The following TAF11 variants were observed in gnomAD, a reference collection of about 807,000 sequenced individuals.
TAF11 encodes transcription initiation factor TFIID subunit 11.
A neutral mutation model predicts 23.0 loss-of-function variants in TAF11; 10 were observed. The observed-to-expected ratio is 0.43, with a 90% CI of 0.27 to 0.74. The LOEUF (loss-of-function observed/expected upper bound fraction) is 0.74, where lower values mean the gene tolerates loss of function less well. Ranked by LOEUF, TAF11 falls within the 30% of genes least tolerant of loss-of-function variation. The probability of loss-of-function intolerance (pLI) is 0.19; values close to 1 mark genes in which losing one functional copy is unlikely to be tolerated. For missense variants in TAF11, 196 were observed against 261.7 expected, an observed-to-expected ratio of 0.75 and a Z score of 1.73; for synonymous variants, 85 against 95.8, an observed-to-expected ratio of 0.89 and a Z score of 0.66.
At chr6:34,884,950 A>G (rs1260316256) in intron 1 of TAF11, among the ~76,000 whole-genome samples, 4 of 152,118 alleles carry the variant, frequency 2.6e-5, no homozygotes, top group African/African-American at 9.7e-5. Context: ...ATTAGTGCCT[A>G]TAGCCTTTCA....
intron 4 of TAF11, chr6:34,879,175 A>G (rs1766371850): frequency 6.1e-6 from 1 of 163,636 alleles, no homozygotes; most frequent in Admixed American, 6.5e-5. Context: ...AAGGCACTCC[A>G]GCCTGGGTGA....
chr6:34,879,148 G>A (rs941285052), intron 4 of TAF11: 1 of 155,466 alleles, frequency 6.4e-6, no homozygotes, highest in African/African-American at 2.4e-5. Flanking sequence ...GTTACAGTGA[G>A]CTGTGATCGC....
intron 4 of TAF11, 128 bp downstream of exon 4, chr6:34,879,839 C>T (rs1766387183): frequency 1.6e-5 from 23 of 1,455,610 alleles, no homozygotes; most frequent in Non-Finnish European, 2.0e-5. Flanking sequence ...TAAAGGGCTC[C>T]CCACTTGGTC....
rs751332765 is a variant in TAF11, at chr6:34,880,416, C to T, written c.321-40G>A. Reference sequence around the variant, plus strand: ...AGGTAACTAAGTTAACTTATAAGAACGAATACTCAAGATATTATGAAGTCA... The same window carrying T: ...AGGTAACTAAGTTAACTTATAAGAATGAATACTCAAGATATTATGAAGTCA... On this transcript the variant is annotated intron_variant, in intron 2 of 4. Coordinates refer to ENST00000361288, the MANE Select transcript of TAF11 (RefSeq NM_005643.4). The surrounding 1 kb of genome is among the most constrained non-coding windows in gnomAD (Gnocchi z 4.8). 4.4e-6 allele frequency: 7 copies of T among 1,574,190 alleles called. No homozygotes were observed. In the East Asian group the frequency reaches 9.0e-5, roughly 20 times the overall value.
chr6:34,882,205 G>C (rs1445675291), intron 2 of TAF11, among the ~76,000 whole-genome samples: 3 of 151,210 alleles, frequency 2.0e-5, no homozygotes, highest in African/African-American at 7.3e-5. Flanking sequence ...AGGCATGGTG[G>C]CAGGAGCCTG....
rs537229891 is a variant in TAF11 at position 34,884,407 on chromosome 6, ATG to A, written c.172-1329_172-1328del. On this transcript the variant is annotated intron_variant, in intron 1 of 4. Coordinates refer to ENST00000361288, the MANE Select transcript of TAF11 (RefSeq NM_005643.4). ...TAGAGGGGAACACACACTGGGGTAT[ATG>A]GAAGGGTGAAGGGTATATGGAAGGA... Among the ~76,000 whole-genome samples, 447 of 152,260 alleles carry A rather than the reference ATG, an allele frequency of 2.9e-3. 1 individual carries two copies. The highest frequency in any genetic ancestry group is 9.7e-3 in the African/African-American group (405 of 41,552).
At chr6:34,887,743 A>G (rs751757598) in intron 1 of TAF11, 44 bp downstream of exon 1, 6 of 1,611,370 alleles carry the variant, frequency 3.7e-6, no homozygotes, top group South Asian at 3.3e-5. Context: ...CAGTAACACA[A>G]TCTCTGGGTA....
intron 1 of TAF11, among the ~76,000 whole-genome samples, chr6:34,883,748 C>T (rs1399390237): frequency 2.0e-5 from 3 of 152,004 alleles, no homozygotes; most frequent in Non-Finnish European, 2.9e-5. Flanking sequence ...CTGTTCAAAC[C>T]CCACTTAAAA....
chr6:34,883,547 A>G (rs974335795), intron 1 of TAF11, among the ~76,000 whole-genome samples: 2 of 152,144 alleles, frequency 1.3e-5, no homozygotes, highest in African/African-American at 4.8e-5. Flanking sequence ...TGTTTATTTC[A>G]ATTTGGGACT....
chr6:34,882,890 A>G lies in TAF11; in HGVS notation c.320+42T>C, dbSNP rs754021076. 1.5e-5 allele frequency: 24 copies of G among 1,561,602 alleles called. 1 individual carries two copies. In the South Asian group the frequency reaches 3.0e-4, roughly 19 times the overall value. On this transcript the variant is annotated intron_variant, in intron 2 of 4. Transcript: ENST00000361288. ...AAAATTTATTAAATTTGTGTGGTCA[A>G]GTGAGAGCCTCGAAATGGGGAATGA...
chr6:34,881,516 A>G (rs1204371843), intron 2 of TAF11, among the ~76,000 whole-genome samples: 3 of 152,204 alleles, frequency 2.0e-5, no homozygotes, highest in East Asian at 1.9e-4. Flanking sequence ...TAAGAAAACT[A>G]TGACCTAGAT....
chr6:34,884,963 T>A (rs1298920713), intron 1 of TAF11, among the ~76,000 whole-genome samples: 2 of 150,600 alleles, frequency 1.3e-5, no homozygotes, highest in African/African-American at 5.0e-5. Flanking sequence ...GCCTTTCATA[T>A]TTTGTAATGT....
chr6:34,887,916 C>T lies in TAF11; in HGVS notation c.42G>A (p.Glu14=). The part of the protein sequence containing the change: ...AHESPSDKGG[E]TGESDETAAV... ...CGGCCGTCTCATCCGACTCCCCTGT[C>T]TCTCCACCTTTGTCGGAGGGCGACT... Residue 14 remains glutamate (E), a synonymous_variant, in exon 1 of 5, where the codon GAG becomes GAA. Transcript: ENST00000361288. 1 of 1,614,208 alleles carries T rather than the reference C, an allele frequency of 6.2e-7. No individual in the cohort carries two copies. Among genetic ancestry groups the T allele is most frequent in the Non-Finnish European group, 8.5e-7 (1 of 1,180,036 alleles).
At chr6:34,882,311 C>A (rs1430844387) in intron 2 of TAF11, among the ~76,000 whole-genome samples, 2 of 147,904 alleles carry the variant, frequency 1.4e-5, no homozygotes, top group East Asian at 4.0e-4. Context: ...GCACTCCAGC[C>A]TGAGCAACGA....
chr6:34,882,217 A>G (rs185869596), intron 2 of TAF11, among the ~76,000 whole-genome samples: 98 of 151,684 alleles, frequency 6.5e-4, no homozygotes, highest in African/African-American at 2.3e-3. Context: ...AGGAGCCTGT[A>G]GTCCCAGCTA....
Position 34,880,334 on chromosome 6 carries a change from A to C in TAF11, c.363T>G (p.Tyr121Ter), listed in dbSNP as rs925322590. The C allele has an allele frequency of 3.1e-6, 5 of 1,614,054 alleles. No individual in the cohort carries two copies. In the African/African-American group the frequency reaches 6.7e-5, roughly 22 times the overall value. The change falls in exon 3 of 5, where the codon TAT becomes TAG. Residue 121 changes from tyrosine to a stop codon, truncating the protein, a stop_gained. Coordinates refer to ENST00000361288, the MANE Select transcript of TAF11 (RefSeq NM_005643.4). LOFTEE classifies it high-confidence loss of function. The surrounding 1 kb of genome is among the most constrained non-coding windows in gnomAD (Gnocchi z 4.8). ...SSFSEEQLNR[Y>*]EMYRRSAFPK... ...GGAAAGCTGAGCGGCGATACATTTC[A>C]TAACGGTTCAGCTGCTCCTCAGAAA... is the stretch of plus-strand genomic sequence containing the variant.
chr6:34,883,002 GT>G lies in TAF11; in HGVS notation c.249del (p.Lys83AsnfsTer2). Reference protein sequence around the residue: ...DSSLLNPAAKKLKIDTKEKKE... With the variant: ...DSSLLNPAAKXLKIDTKEKKE... The stretch of plus-strand genomic sequence containing the variant: ...TTCTTTTCTTTGGTATCTATTTTCA[GT>G]TTTTTGGCTGCAGGATTAAGTAATG... On this transcript the variant is annotated frameshift_variant, in exon 2 of 5. Transcript: ENST00000361288. LOFTEE classifies it high-confidence loss of function. 2 of 1,611,462 alleles carry G rather than the reference GT, an allele frequency of 1.2e-6. No homozygotes were observed. Among genetic ancestry groups the G allele is most frequent in the Non-Finnish European group, 1.7e-6 (2 of 1,179,244 alleles).
At chr6:34,885,455 T>C (rs895883244) in intron 1 of TAF11, among the ~76,000 whole-genome samples, 2 of 152,202 alleles carry the variant, frequency 1.3e-5, no homozygotes, top group Non-Finnish European at 2.9e-5. Context: ...TTTTTGTAGT[T>C]AATTTCAAGT....
In TAF11 at chr6:34,878,736, G is replaced by A; in HGVS notation, c.506-16C>T. 6.2e-7 allele frequency: 1 copy of A among 1,610,088 alleles called. No homozygotes were observed. Among genetic ancestry groups the A allele is most frequent in the African/African-American group, 1.3e-5 (1 of 74,948 alleles). On this transcript the variant is annotated splice_polypyrimidine_tract_variant and intron_variant, in intron 4 of 4. Coordinates refer to ENST00000361288, the MANE Select transcript of TAF11 (RefSeq NM_005643.4). ...ACATCCAGTGCTAAACAGAGGGTAA[G>A]GAGAAAGTCTGATTATCACACAATA... is the stretch of plus-strand genomic sequence containing the variant.
Sources: allele counts gnomAD v4.1 joint callset (sites outside exome capture counted in the v4.1 genomes callset), GRCh38; gene constraint gnomAD v4.1.1; non-coding constraint Gnocchi (gnomAD v3.1); transcripts MANE v1.5; gene names NCBI Gene and HGNC (gene_info 2026-07-23, HGNC 2026-07-21).